The following ZFHX3 variants were observed in gnomAD, a reference collection of about 807,000 sequenced individuals.
ZFHX3 encodes the protein zinc finger homeobox protein 3.
In ZFHX3, 42 loss-of-function variants were observed where a neutral mutation model predicts 279.1. The observed-to-expected ratio is 0.15, with a 90% CI of 0.12 to 0.19. ZFHX3 has a LOEUF of 0.19. ZFHX3 is among the 10% of genes least tolerant of loss of function. ZFHX3 has a pLI of 1.00. For missense variants in ZFHX3, 4,981 were observed against 4,754.0 expected, an observed-to-expected ratio of 1.05 and a Z score of -1.40; for synonymous variants, 2,293 against 1,957.8, an observed-to-expected ratio of 1.17 and a Z score of -4.52.
chr16:73,209,501 T>C (rs1377840729), intron 5 of ZFHX3, among the ~76,000 whole-genome samples: 1 of 152,120 alleles, frequency 6.6e-6, no homozygotes, highest in Non-Finnish European at 1.5e-5. Context: ...CCTCACATGG[T>C]AGAAGAGCAA....
At chr16:73,348,330 A>G (rs577702470) in intron 3 of ZFHX3, among the ~76,000 whole-genome samples, 1 of 152,284 alleles carries the variant, frequency 6.6e-6, no homozygotes, top group Non-Finnish European at 1.5e-5. Flanking sequence ...AGCTCCGTTA[A>G]GTCTCCCTGC....
chr16:73,095,023 C>T (rs1472108099), intron 7 of ZFHX3, among the ~76,000 whole-genome samples: 3 of 152,122 alleles, frequency 2.0e-5, no homozygotes, highest in African/African-American at 7.2e-5. Flanking sequence ...TCTGTGAAGT[C>T]TTCATAGATA....
chr16:72,830,160 C>G (rs188965743), intron 4 of ZFHX3, among the ~76,000 whole-genome samples: 9 of 152,322 alleles, frequency 5.9e-5, no homozygotes, highest in South Asian at 2.1e-4. Flanking sequence ...ACTGAAAAAC[C>G]AATCCTGGTT....
In ZFHX3 at chr16:73,797,151, C is replaced by G. The variant is rs387015; in HGVS notation, c.-1608+94500G>C. ...CCAGGAGGCAGAGGTGGCAGTGAGC[C>G]AAGATCATACCATTGCACTCCAACC... On this transcript the variant is annotated intron_variant, in intron 1 of 17. Coordinates refer to the ZFHX3 transcript ENST00000641206. 1.0e-2 allele frequency among the ~76,000 whole-genome samples: 1,516 copies of G among 152,162 alleles called. 31 individuals are homozygous for G. Among genetic ancestry groups the G allele is most frequent in the African/African-American group, 0.034 (1,428 of 41,516 alleles).
chr16:72,928,132 G>A (rs1331887148), intron 3 of ZFHX3, among the ~76,000 whole-genome samples: 5 of 59,342 alleles, frequency 8.4e-5, no homozygotes, highest in Admixed American at 3.0e-4. Flanking sequence ...GAGAGAGGGA[G>A]GGGGAGGGGA....
chr16:73,713,638 T>A (rs1021565620), intron 1 of ZFHX3, among the ~76,000 whole-genome samples: 6 of 152,026 alleles, frequency 3.9e-5, no homozygotes, highest in East Asian at 3.9e-4. Flanking sequence ...CTTTTTTTTT[T>A]TTTTTATACT....
chr16:73,645,263 T>G (rs190734515), intron 2 of ZFHX3, among the ~76,000 whole-genome samples: 1 of 152,340 alleles, frequency 6.6e-6, no homozygotes, highest in East Asian at 1.9e-4. Flanking sequence ...TTATTATTTT[T>G]TATTTTTATT....
intron 1 of ZFHX3, among the ~76,000 whole-genome samples, chr16:72,974,568 A>AACACAC (rs59350988): frequency 2.7e-3 from 394 of 148,368 alleles, no homozygotes; most frequent in African/African-American, 7.6e-3. Context: ...CTGATAGGGC[A>AACACAC]ACACACACAC....
chr16:73,873,874 A>C (rs2029879192), intron 1 of ZFHX3, among the ~76,000 whole-genome samples: 1 of 152,182 alleles, frequency 6.6e-6, no homozygotes, highest in Non-Finnish European at 1.5e-5. Context: ...CCTGACCTTC[A>C]GATAAAAATC....
intron 4 of ZFHX3, among the ~76,000 whole-genome samples, chr16:73,263,193 CTT>C (rs558980116): frequency 1.5e-4 from 21 of 144,056 alleles, no homozygotes; most frequent in Non-Finnish European, 1.2e-4. Context: ...TCAGGAAGTC[CTT>C]TTTTTTTTTT....
At chr16:73,294,996 G>C (rs1289141100) in intron 4 of ZFHX3, among the ~76,000 whole-genome samples, 2 of 151,900 alleles carry the variant, frequency 1.3e-5, no homozygotes, top group Admixed American at 6.6e-5. Context: ...GGCGGATCAC[G>C]AGGTCAGGAG....
At chr16:73,187,143 C>G (rs1030025123) in intron 5 of ZFHX3, among the ~76,000 whole-genome samples, 3 of 126,704 alleles carry the variant, frequency 2.4e-5, no homozygotes, top group Non-Finnish European at 4.9e-5. Flanking sequence ...AGTTGTATGT[C>G]TCACACACAC....
intron 1 of ZFHX3, among the ~76,000 whole-genome samples, chr16:73,856,351 AAC>A (rs2142385219): frequency 6.6e-6 from 1 of 152,346 alleles, no homozygotes; most frequent in East Asian, 1.9e-4. Context: ...ATTTCTGAAA[AAC>A]AAGGTTGGAC....
At chr16:73,237,049 G>A (rs534548328) in intron 5 of ZFHX3, among the ~76,000 whole-genome samples, 32 of 152,274 alleles carry the variant, frequency 2.1e-4, no homozygotes, top group African/African-American at 7.7e-4. Context: ...TACAACCAGT[G>A]ATATCGGCGA....
At position 73,227,629 on chromosome 16, in the gene ZFHX3, G is replaced by C. The variant is rs149555818; in HGVS notation, c.-1104+29418C>G. 5.4e-4 allele frequency among the ~76,000 whole-genome samples: 82 copies of C among 152,072 alleles called. No homozygotes were observed. In the East Asian group the frequency reaches 0.015, roughly 27 times the overall value. ...TTTGGGAGGTCGAGGCAGGTGGATT[G>C]ATTGAGCTCACGAGCCCGAGACCAG... is the stretch of plus-strand genomic sequence containing the variant. On this transcript the variant is annotated intron_variant, in intron 5 of 17. Transcript: ENST00000641206.
At chr16:73,601,377 G>A (rs939084026) in intron 2 of ZFHX3, among the ~76,000 whole-genome samples, 2 of 151,406 alleles carry the variant, frequency 1.3e-5, no homozygotes, top group Non-Finnish European at 2.9e-5. Context: ...CACTGAGGCA[G>A]GAGAATCGCT....
intron 1 of ZFHX3, among the ~76,000 whole-genome samples, chr16:73,747,446 G>C (rs1449132434): frequency 2.6e-5 from 4 of 152,120 alleles, no homozygotes; most frequent in African/African-American, 9.7e-5. Context: ...AGAAACATTT[G>C]CATCTGTCTC....
At chr16:72,961,200 G>A (rs1961559537) in intron 1 of ZFHX3, among the ~76,000 whole-genome samples, 3 of 152,140 alleles carry the variant, frequency 2.0e-5, no homozygotes, top group Admixed American at 1.3e-4. Context: ...TGAGCAGCAA[G>A]CCGAGACGGC....
At chr16:73,150,245 G>A (rs562816595) in intron 5 of ZFHX3, among the ~76,000 whole-genome samples, 1 of 152,280 alleles carries the variant, frequency 6.6e-6, no homozygotes, top group African/African-American at 2.4e-5. Context: ...AGAGTGGTAG[G>A]TGGACAATGT....
Sources: gnomAD v4.1 joint callset for allele counts (sites outside exome capture counted in the v4.1 genomes callset) on GRCh38, gnomAD v4.1.1 for gene constraint, MANE v1.5 for transcripts, NCBI Gene and HGNC (gene_info 2026-07-23, HGNC 2026-07-21) for gene names.